The following MUC5AC variants were observed in gnomAD, a reference collection of about 807,000 sequenced individuals.
MUC5AC encodes mucin 5AC, oligomeric mucus/gel-forming.
MUC5AC carries 158 observed loss-of-function variants against 169.7 expected under a neutral mutation model. That is an observed-to-expected ratio of 0.93 (90% CI 0.82 to 1.06). The LOEUF (loss-of-function observed/expected upper bound fraction) is 1.06, where lower values mean the gene tolerates loss of function less well. MUC5AC is among the 50% of genes least tolerant of loss of function. MUC5AC has a pLI of 0.00. For missense variants in MUC5AC, 4,359 were observed against 3,089.9 expected (o/e 1.41, Z -9.74); for synonymous variants, 1,975 against 1,237.0 (o/e 1.60, Z -12.52).
Position 1,174,479 on chromosome 11 carries a change from G to A in MUC5AC, c.1966-17G>A, listed in dbSNP as rs1300613663. On this transcript the variant is annotated splice_polypyrimidine_tract_variant and intron_variant, in intron 16 of 48. Transcript: ENST00000621226. The stretch of plus-strand genomic sequence containing the variant: ...GGGCTGGGGTCTCTGATGCCCCGAT[G>A]ACCCCCTTCCCTGCAGAACTGCATG... The A allele has an allele frequency of 1.3e-5, 20 of 1,485,750 alleles. No homozygotes were observed. The highest frequency in any genetic ancestry group is 1.7e-5 in the Non-Finnish European group (19 of 1,099,962). The allele number at this position is 1,485,750 out of a possible 1,614,324, so 92.0% of individuals were successfully genotyped here.
intron 46 of MUC5AC, 38 bp from the exon 47 acceptor site, chr11:1,199,657 A>G: frequency 1.4e-6 from 1 of 701,926 alleles, no homozygotes; most frequent in Non-Finnish European, 2.6e-6. Flanking sequence ...GGGGCCGCCG[A>G]GCGCCTCGGC....
chr11:1,192,811 C>T lies in MUC5AC; in HGVS notation c.14409C>T (p.Leu4803=), dbSNP rs377250708. ...CCACCATATACCGCCACAGAGACCT[C>T]GCTGGCCATTGCTATTATGCCCTGT... ...AGSTIYRHRD[L]AGHCYYALCS... The change falls in exon 32 of 49, where the codon CTC becomes CTT. Residue 4803 remains leucine, a synonymous_variant. Coordinates refer to ENST00000621226, the MANE Select transcript of MUC5AC (RefSeq NM_001304359.2). 2.6e-5 allele frequency: 20 copies of T among 763,090 alleles called. No individual in the cohort carries two copies. The highest frequency in any genetic ancestry group is 6.8e-5 in the African/African-American group (4 of 59,202). 47.3% of individuals were successfully genotyped at this position (763,090 alleles called of 1,614,324 possible).
intron 40 of MUC5AC, among the ~76,000 whole-genome samples, chr11:1,197,211 C>T (rs1358840336): frequency 6.6e-6 from 1 of 152,186 alleles, no homozygotes; most frequent in Non-Finnish European, 1.5e-5. Flanking sequence ...TGGGACGCCC[C>T]TTCTGCCCAG....
Position 1,185,347 on chromosome 11 carries a change from C to A in MUC5AC, c.7202C>A (p.Thr2401Asn). Reference sequence around the variant, plus strand: ...GAAACTACTCCCAGCCCTGTTCCTACCACCAGCACAACCTCTGCCACTACA... The same window carrying A: ...GAAACTACTCCCAGCCCTGTTCCTAACACCAGCACAACCTCTGCCACTACA... Reference protein sequence around the residue: ...GPETTPSPVPTTSTTSATTTS... With the variant: ...GPETTPSPVPNTSTTSATTTS... Residue 2401 changes from threonine (T) to asparagine (N), a missense_variant, in exon 31 of 49, where the codon ACC (threonine) becomes AAC (asparagine). Coordinates refer to ENST00000621226, the MANE Select transcript of MUC5AC (RefSeq NM_001304359.2). 2 of 712,960 alleles carry A rather than the reference C, an allele frequency of 2.8e-6. No homozygotes were observed. 44.2% of individuals were successfully genotyped at this position (712,960 alleles called of 1,614,324 possible).
At chr11:1,165,596 C>A in intron 10 of MUC5AC, 26 bp from the exon 11 acceptor site, 1 of 1,610,452 alleles carries the variant, frequency 6.2e-7, no homozygotes, top group Non-Finnish European at 8.5e-7. Context: ...GGCCGGCACC[C>A]ACGTGGCACC....
At chr11:1,177,095 G>A in intron 22 of MUC5AC, 29 bp downstream of exon 22, 1 of 398,652 alleles carries the variant, frequency 2.5e-6, no homozygotes, top group Non-Finnish European at 4.4e-6. Flanking sequence ...GGTCCTCACG[G>A]CGGCCCCCGT....
chr11:1,164,545 C>A lies in MUC5AC; in HGVS notation c.1129+13C>A. 1.3e-6 allele frequency: 2 copies of A among 1,597,640 alleles called. No homozygotes were observed. Among genetic ancestry groups the A allele is most frequent in the Admixed American group, 1.7e-5 (1 of 58,182 alleles). On this transcript the variant is annotated intron_variant, in intron 9 of 48. Coordinates refer to ENST00000621226, the MANE Select transcript of MUC5AC (RefSeq NM_001304359.2). ...TTCTGCCCTGAGGGTGAGGCTCCCC[C>A]GCCCCTGGGAAACACAGGTGCACCC...
At position 1,184,856 on chromosome 11, in the gene MUC5AC, C is replaced by T; in HGVS notation, c.6711C>T (p.Ala2237=). Residue 2237 remains alanine (A), a synonymous_variant, in exon 31 of 49, where the codon GCC becomes GCT. Transcript: ENST00000621226. ...CTCCTAGCACCCCTAGTGGGAGAGC[C>T]ACCAGCCCAACTCAGAGCACCTCCT... ...VTAPSTPSGR[A]TSPTQSTSSW... The T allele has an allele frequency of 4.7e-6, 3 of 637,774 alleles. No individual in the cohort carries two copies. Among genetic ancestry groups the T allele is most frequent in the Non-Finnish European group, 5.6e-6 (2 of 357,248 alleles). 39.5% of individuals were successfully genotyped at this position (637,774 alleles called of 1,614,324 possible).
At chr11:1,175,674 ACCCACT>A (rs1860658682) in intron 19 of MUC5AC, among the ~76,000 whole-genome samples, 2 of 137,384 alleles carry the variant, frequency 1.5e-5, no homozygotes, top group Admixed American at 7.4e-5. Flanking sequence ...ACGCACTCAC[ACCCACT>A]CATGCACACA....
intron 1 of MUC5AC, among the ~76,000 whole-genome samples, chr11:1,159,383 G>A (rs1428648264): frequency 1.3e-3 from 192 of 151,520 alleles, no homozygotes; most frequent in Non-Finnish European, 2.4e-3. Context: ...GCTGTGCGGG[G>A]CTGGGGTCCA....
intron 1 of MUC5AC, among the ~76,000 whole-genome samples, chr11:1,159,988 G>T (rs1160993042): frequency 1.3e-5 from 2 of 148,492 alleles, no homozygotes; most frequent in African/African-American, 2.5e-5. Flanking sequence ...GGCTGTGCGG[G>T]GCTGGGGTCT....
rs1554928367 is a variant in MUC5AC, at chr11:1,187,869, C to A, written c.9724C>A (p.His3242Asn). 3.9e-6 allele frequency: 3 copies of A among 762,734 alleles called. No individual in the cohort carries two copies. The South Asian group carries it at 4.0e-5, about 10-fold the overall frequency. 47.2% of individuals were successfully genotyped at this position (762,734 alleles called of 1,614,324 possible). A position where few individuals can be genotyped will look rare whatever the true frequency, so the allele number is the denominator to read the frequency against. ...CATAGACTTCCCATCCCCTGGACCCCACGGCGGGGACAAGGAAACCTACAA... is the reference window on the plus strand; with the variant it reads ...CATAGACTTCCCATCCCCTGGACCCAACGGCGGGGACAAGGAAACCTACAA... ...FDIDFPSPGP[H>N]GGDKETYNNI... The change falls in exon 31 of 49, where the codon CAC (histidine) becomes AAC (asparagine). Residue 3242 changes from histidine to asparagine, a missense_variant. Coordinates refer to ENST00000621226, the MANE Select transcript of MUC5AC (RefSeq NM_001304359.2).
At chr11:1,162,208 G>A (rs1860164618) in intron 4 of MUC5AC, 40 bp downstream of exon 4, 1 of 1,594,696 alleles carries the variant, frequency 6.3e-7, no homozygotes, top group Non-Finnish European at 8.6e-7. Flanking sequence ...CACGCGGCGT[G>A]TGGGGTGGCA....
intron 42 of MUC5AC, 124 bp from the exon 43 acceptor site, chr11:1,198,144 G>A: frequency 5.8e-6 from 4 of 689,236 alleles, no homozygotes; most frequent in Non-Finnish European, 1.1e-5. Context: ...GCAGAGATGA[G>A]GCTGGACAAA....
chr11:1,164,635 C>T (rs915060054), intron 9 of MUC5AC, 103 bp downstream of exon 9: 56 of 1,437,734 alleles, frequency 3.9e-5, no homozygotes, highest in African/African-American at 8.6e-5. Context: ...CCTAGTGTCC[C>T]GGGCCCCTGA....
At chr11:1,169,119 G>A (rs115991958) in intron 15 of MUC5AC, 93 bp downstream of exon 15, 15 of 1,430,018 alleles carry the variant, frequency 1.0e-5, no homozygotes, top group South Asian at 6.3e-5. Context: ...CCGGCCCTGC[G>A]TGTGCCTGTG....
At position 1,190,040 on chromosome 11, in the gene MUC5AC, G is replaced by A. The variant is rs1471307663; in HGVS notation, c.11895G>A (p.Val3965=). 1,788 of 763,868 alleles carry A rather than the reference G, an allele frequency of 2.3e-3. No individual in the cohort carries two copies. The African/African-American group carries it at 0.028, about 12-fold the overall frequency. 47.3% of individuals were successfully genotyped at this position (763,868 alleles called of 1,614,324 possible). ...PRCTWTKWFD[V]DFPSPGPHGG... ...GCACCTGGACCAAGTGGTTTGACGT[G>A]GACTTTCCATCCCCTGGACCCCACG... The change falls in exon 31 of 49, where the codon GTG becomes GTA. Residue 3965 remains valine, a synonymous_variant. Transcript: ENST00000621226.
Position 1,199,715 on chromosome 11 carries a change from G to T in MUC5AC, c.16536G>T (p.Lys5512Asn), listed in dbSNP as rs1020192682. Reference protein sequence around the residue: ...SCSLDEARMSKDGCCRFCPPP... With the variant: ...SCSLDEARMSNDGCCRFCPPP... ...CACAGGACGAGGCCCGCATGAGCAAGGACGGCTGCTGCCGCTTCTGCCCGC... is the reference window on the plus strand; with the variant it reads ...CACAGGACGAGGCCCGCATGAGCAATGACGGCTGCTGCCGCTTCTGCCCGC... The change falls in exon 47 of 49, where the codon AAG (lysine) becomes AAT (asparagine). Residue 5512 changes from lysine to asparagine, a missense_variant. By Grantham distance (94) the Lys-to-Asn change is moderately conservative. Coordinates refer to ENST00000621226, the MANE Select transcript of MUC5AC (RefSeq NM_001304359.2). 4.2e-6 allele frequency: 3 copies of T among 711,912 alleles called. No homozygotes were observed. Among genetic ancestry groups the T allele is most frequent in the Non-Finnish European group, 2.6e-6 (1 of 390,534 alleles). 44.1% of individuals were successfully genotyped at this position (711,912 alleles called of 1,614,324 possible).
At chr11:1,163,079 A>G in intron 6 of MUC5AC, 34 bp downstream of exon 6, 1 of 1,589,618 alleles carries the variant, frequency 6.3e-7, no homozygotes, top group Non-Finnish European at 8.6e-7. Flanking sequence ...CCCCTTCCTC[A>G]GTGTCCCCTG....
Sources: gnomAD v4.1 joint callset for allele counts (sites outside exome capture counted in the v4.1 genomes callset) on GRCh38, gnomAD v4.1.1 for gene constraint, MANE v1.5 for transcripts, NCBI Gene and HGNC (gene_info 2026-07-23, HGNC 2026-07-21) for gene names.